PCDH15: variants seen among roughly 807,000 people sequenced by gnomAD.
The protein encoded by PCDH15 is protocadherin related 15, also known as protocadherin-15.
In PCDH15, 129 loss-of-function variants were observed where a neutral mutation model predicts 178.5. That is an observed-to-expected ratio of 0.72 (90% CI 0.63 to 0.84). The LOEUF (loss-of-function observed/expected upper bound fraction) is 0.84. PCDH15 is among the 40% of genes least tolerant of loss of function. PCDH15 has a pLI of 0.00. For missense variants in PCDH15, 2,230 were observed against 2,099.9 expected, an observed-to-expected ratio of 1.06 and a Z score of -1.21; for synonymous variants, 800 against 732.0, an observed-to-expected ratio of 1.09 and a Z score of -1.50.
At chr10:54,475,874 G>A (rs1215205860) in intron 3 of PCDH15, among the ~76,000 whole-genome samples, 2 of 150,584 alleles carry the variant, frequency 1.3e-5, no homozygotes, top group African/African-American at 4.9e-5. Context: ...CCAAGGCCAG[G>A]CCTTAACCCA....
rs116099265 is a variant in PCDH15, at chr10:55,405,686, T to G, written c.-156+221939A>C. 8.0e-3 allele frequency among the ~76,000 whole-genome samples: 1,214 copies of G among 151,936 alleles called. 15 individuals are homozygous for G. Among genetic ancestry groups the G allele is most frequent in the African/African-American group, 0.026 (1,090 of 41,502 alleles). On this transcript the variant is annotated intron_variant, in intron 2 of 5. Coordinates refer to the PCDH15 transcript ENST00000613346. ...AGTATAACTAAATATATAAGAAACT[T>G]TATTTATATAACAGATATTTATTGT...
At chr10:54,307,020 A>G (rs374569898) in intron 8 of PCDH15, among the ~76,000 whole-genome samples, 5,499 of 31,410 alleles carry the variant, frequency 0.18, 730 homozygotes, top group Middle Eastern at 0.29. Flanking sequence ...ATATACATAT[A>G]TATATATATG....
chr10:55,166,959 G>C (rs936258814), intron 1 of PCDH15, among the ~76,000 whole-genome samples: 6 of 152,160 alleles, frequency 3.9e-5, no homozygotes, highest in African/African-American at 1.4e-4. Flanking sequence ...GGTATGACCA[G>C]AGTCTGCCAT....
chr10:55,031,225 C>G (rs1033395116), intron 2 of PCDH15, among the ~76,000 whole-genome samples: 1 of 152,138 alleles, frequency 6.6e-6, no homozygotes, highest in Non-Finnish European at 1.5e-5. Flanking sequence ...GCAAATACAT[C>G]ATAATCTGTG....
At chr10:54,416,790 G>A (rs147722458) in intron 3 of PCDH15, among the ~76,000 whole-genome samples, 57 of 152,176 alleles carry the variant, frequency 3.7e-4, no homozygotes, top group Non-Finnish European at 6.3e-4. Flanking sequence ...GGCACCTATT[G>A]TTTCTGACTT....
chr10:55,552,421 T>C (rs1842019059), intron 2 of PCDH15, among the ~76,000 whole-genome samples: 1 of 151,572 alleles, frequency 6.6e-6, no homozygotes, highest in African/African-American at 2.4e-5. Flanking sequence ...ATCTATTATT[T>C]TCTTGTGGGT....
At chr10:55,232,779 C>T (rs1299469267) in intron 1 of PCDH15, among the ~76,000 whole-genome samples, 1 of 152,088 alleles carries the variant, frequency 6.6e-6, no homozygotes, top group Non-Finnish European at 1.5e-5. Context: ...AACTGAACCA[C>T]TCTGCCCAAC....
At chr10:54,074,351 C>T (rs565982864) in intron 17 of PCDH15, among the ~76,000 whole-genome samples, 3 of 152,242 alleles carry the variant, frequency 2.0e-5, no homozygotes, top group African/African-American at 7.2e-5. Context: ...CCCCATTTCT[C>T]TTTTCTTTAT....
intron 34 of PCDH15, among the ~76,000 whole-genome samples, chr10:53,817,527 C>CTT (rs568238130): frequency 3.9e-4 from 37 of 95,158 alleles, no homozygotes; most frequent in East Asian, 1.6e-3. Flanking sequence ...TTTTTTTTTT[C>CTT]TTTTTTTTTT....
intron 3 of PCDH15, among the ~76,000 whole-genome samples, chr10:54,848,155 G>C (rs1208420818): frequency 6.6e-6 from 1 of 152,072 alleles, no homozygotes; most frequent in Non-Finnish European, 1.5e-5. Context: ...AAGGTGGGCA[G>C]GTCACCTGAG....
intron 8 of PCDH15, among the ~76,000 whole-genome samples, chr10:54,310,902 TA>T (rs1331438959): frequency 6.6e-6 from 1 of 151,986 alleles, no homozygotes; most frequent in Non-Finnish European, 1.5e-5. Flanking sequence ...GGTACTTCCA[TA>T]AAAAAGCAAG....
chr10:55,156,256 T>A (rs2680321), intron 2 of PCDH15, among the ~76,000 whole-genome samples: 143,224 of 152,214 alleles, frequency 0.94, 67,667 homozygotes, highest in East Asian at 1. Flanking sequence ...TTTGGAAAAA[T>A]TAAGAAAACA....
chr10:53,917,828 C>T (rs554109813), intron 25 of PCDH15, among the ~76,000 whole-genome samples: 24 of 152,192 alleles, frequency 1.6e-4, no homozygotes, highest in African/African-American at 5.5e-4. Flanking sequence ...TCGTGAATGG[C>T]TTAGCACCAT....
intron 2 of PCDH15, among the ~76,000 whole-genome samples, chr10:55,457,999 T>C (rs749372362): frequency 6.6e-6 from 1 of 151,992 alleles, no homozygotes; most frequent in Non-Finnish European, 1.5e-5. Context: ...GAGTACAACA[T>C]AAGGAATCAT....
chr10:54,064,768 G>A (rs891566693), intron 18 of PCDH15, among the ~76,000 whole-genome samples: 6 of 152,172 alleles, frequency 3.9e-5, no homozygotes, highest in Admixed American at 2.6e-4. Context: ...GGTGCCAGGA[G>A]CTGGAAGAGG....
Position 54,242,124 on chromosome 10 carries a change from CTATTTTTATATATATA to C in PCDH15, c.877-5209_877-5194del, listed in dbSNP as rs1319468837. On this transcript the variant is annotated intron_variant, in intron 8 of 37. Coordinates refer to ENST00000644397, the MANE Select transcript of PCDH15 (RefSeq NM_001384140.1). ...TGAAAATGAACTTTTGGTCTGAATT[CTATTTTTATATATATA>C]TATATATATATATATATATATATAT... 8.2e-4 allele frequency among the ~76,000 whole-genome samples: 51 copies of C among 62,262 alleles called. 1 individual carries two copies. The highest frequency in any genetic ancestry group is 2.6e-3 in the African/African-American group (39 of 15,288). The allele number at this position is 62,262 out of a possible 152,430, so 40.8% of individuals were successfully genotyped here.
At chr10:55,464,508 T>G (rs185709115) in intron 2 of PCDH15, among the ~76,000 whole-genome samples, 1 of 152,040 alleles carries the variant, frequency 6.6e-6, no homozygotes, top group Non-Finnish European at 1.5e-5. Context: ...GCACTCACAT[T>G]GCTTTGCATG....
At chr10:54,173,161 T>A (rs1369190911) in intron 13 of PCDH15, among the ~76,000 whole-genome samples, 3 of 152,166 alleles carry the variant, frequency 2.0e-5, no homozygotes, top group African/African-American at 4.8e-5. Context: ...TGCTAAACAC[T>A]TAATAATGTT....
intron 1 of PCDH15, among the ~76,000 whole-genome samples, chr10:55,267,897 T>A (rs1050438335): frequency 6.6e-6 from 1 of 152,156 alleles, no homozygotes; most frequent in Non-Finnish European, 1.5e-5. Flanking sequence ...CCAGACACAA[T>A]TGAAATATAG....
Sources: gnomAD v4.1 joint callset for allele counts (sites outside exome capture counted in the v4.1 genomes callset) on GRCh38, gnomAD v4.1.1 for gene constraint, MANE v1.5 for transcripts, NCBI Gene and HGNC (gene_info 2026-07-23, HGNC 2026-07-21) for gene names.